NEXN: variants seen among roughly 807,000 people sequenced by gnomAD.
NEXN encodes nexilin.
Under a neutral mutation model 92.6 loss-of-function variants are expected in NEXN, and 65 were observed. That is an observed-to-expected ratio of 0.70 (90% CI 0.57 to 0.86). The LOEUF is 0.86. Ranked by LOEUF, NEXN falls within the 40% of genes least tolerant of loss-of-function variation. NEXN has a pLI of 0.00. For synonymous variants in NEXN, 254 were observed against 242.5 expected (o/e 1.05, Z -0.44); for missense variants, 778 against 771.1 (o/e 1.01, Z -0.11).
intron 9 of NEXN, among the ~76,000 whole-genome samples, chr1:77,929,795 G>T (rs1557985042): frequency 6.6e-6 from 1 of 152,180 alleles, no homozygotes; most frequent in African/African-American, 2.4e-5. Context: ...ATCCAAGGAA[G>T]AAGAAGAAGT....
rs761262985 is a variant in NEXN, at chr1:77,942,587, A to G, written c.1786A>G (p.Ser596Gly). 1 of 1,613,916 alleles carries G rather than the reference A, an allele frequency of 6.2e-7. No individual in the cohort carries two copies. The highest frequency in any genetic ancestry group is 8.5e-7 in the Non-Finnish European group (1 of 1,179,826). Residue 596 changes from serine to glycine, a missense_variant, in exon 13 of 13, where the codon AGT becomes GGT. Physicochemically the swap from Ser to Gly is moderately conservative, Grantham distance 56. This residue lies in a region of NEXN where 532 missense variants were observed against 476.7 expected (regional missense o/e 1.12). Coordinates refer to ENST00000334785, the MANE Select transcript of NEXN (RefSeq NM_144573.4). ...KPLKNTSVVD[S>G]EPVRFTVKVT... is the part of the protein sequence containing the mutation. ...TCTTAAAAACACATCAGTTGTAGAC[A>G]GTGAGCCAGTCAGATTTACGGTTAA...
chr1:77,939,122 T>C (rs1651038382), intron 11 of NEXN, among the ~76,000 whole-genome samples: 2 of 152,174 alleles, frequency 1.3e-5, no homozygotes, highest in Admixed American at 6.5e-5. Context: ...GGTTAGACTC[T>C]GGTATGGATA....
intron 9 of NEXN, among the ~76,000 whole-genome samples, chr1:77,931,109 C>T (rs72685355): frequency 0.027 from 4,116 of 151,826 alleles, 98 homozygotes; most frequent in South Asian, 0.11. Flanking sequence ...TAGAAGAAGC[C>T]GGGCGCGGTG....
chr1:77,930,590 A>G (rs921349640), intron 9 of NEXN, among the ~76,000 whole-genome samples: 1 of 152,210 alleles, frequency 6.6e-6, no homozygotes, highest in Admixed American at 6.5e-5. Flanking sequence ...TTCTAAAACA[A>G]ATTTCTTTAT....
In NEXN at chr1:77,942,462, A is replaced by G. The variant is rs1651445427; in HGVS notation, c.1661A>G (p.Lys554Arg). ...QREIDAALQK[K>R]REEEEEEEGS... is the part of the protein sequence containing the mutation. ...CTGAATGCATTTATTTTAATACAGA[A>G]AAGAGAAGAGGAGGAGGAGGAAGAA... The change falls in exon 13 of 13, where the codon AAA becomes AGA. Residue 554 changes from lysine (K) to arginine (R), a missense_variant and splice_region_variant. Physicochemically the swap from Lys to Arg is conservative, Grantham distance 26 (BLOSUM62 2). This residue lies in a region of NEXN where 532 missense variants were observed against 476.7 expected (regional missense o/e 1.12). Transcript: ENST00000334785. The G allele has an allele frequency of 6.2e-7, 1 of 1,613,454 alleles. No homozygotes were observed. Among genetic ancestry groups the G allele is most frequent in the Non-Finnish European group, 8.5e-7 (1 of 1,179,602 alleles).
intron 11 of NEXN, 115 bp downstream of exon 11, chr1:77,936,159 C>A: frequency 2.8e-6 from 2 of 716,512 alleles, no homozygotes; most frequent in Non-Finnish European, 4.7e-6. Flanking sequence ...TTGGTATATA[C>A]AGTAATCTGG....
chr1:77,913,260 C>T (rs1007055029), intron 1 of NEXN, among the ~76,000 whole-genome samples: 3 of 151,948 alleles, frequency 2.0e-5, no homozygotes, highest in Non-Finnish European at 4.4e-5. Context: ...ACTACAAATA[C>T]AAAAATTAGC....
intron 11 of NEXN, among the ~76,000 whole-genome samples, chr1:77,940,418 G>T (rs1198214686): frequency 6.6e-6 from 1 of 152,076 alleles, no homozygotes; most frequent in Non-Finnish European, 1.5e-5. Flanking sequence ...GTTTTAACCT[G>T]GCTTTTTAGG....
intron 1 of NEXN, chr1:77,889,163 C>T (rs531452083): frequency 6.6e-6 from 1 of 152,494 alleles, no homozygotes; most frequent in Admixed American, 6.5e-5. Context: ...TCGGCTGAAC[C>T]CTTGGGGTCC....
intron 9 of NEXN, chr1:77,931,915 A>G (rs1329900388): frequency 6.6e-6 from 1 of 152,100 alleles, no homozygotes; most frequent in African/African-American, 2.4e-5. Context: ...GTTATGTTAT[A>G]CCGCGCCCGG....
intron 1 of NEXN, among the ~76,000 whole-genome samples, chr1:77,911,837 C>G (rs1369236820): frequency 1.3e-5 from 2 of 150,460 alleles, no homozygotes; most frequent in African/African-American, 4.9e-5. Context: ...AATCCCAGCA[C>G]TTTGGGAGGC....
intron 6 of NEXN, among the ~76,000 whole-genome samples, chr1:77,925,868 A>C (rs1025762349): frequency 2.0e-5 from 3 of 151,970 alleles, no homozygotes; most frequent in African/African-American, 7.2e-5. Context: ...AAATGAATTA[A>C]ATAATAATTT....
At chr1:77,924,806 C>T (rs973652341) in intron 5 of NEXN, among the ~76,000 whole-genome samples, 14 of 151,956 alleles carry the variant, frequency 9.2e-5, no homozygotes, top group East Asian at 1.9e-4. Context: ...ACCACAGGTG[C>T]GTGCCACCAT....
At position 77,911,133 on chromosome 1, in the gene NEXN, G is replaced by A. The variant is rs114719716; in HGVS notation, c.-52-4922G>A. The stretch of plus-strand genomic sequence containing the variant: ...TTGGATTAAAGGAATGAGATACAGC[G>A]CCTGGCCCCAAAATTATACTTCTGT... On this transcript the variant is annotated intron_variant, in intron 1 of 12. Coordinates refer to ENST00000334785, the MANE Select transcript of NEXN (RefSeq NM_144573.4). Among the ~76,000 whole-genome samples the A allele has an allele frequency of 2.7e-3, 415 of 152,230 alleles. 4 individuals are homozygous for A. Among genetic ancestry groups the A allele is most frequent in the African/African-American group, 9.3e-3 (388 of 41,542 alleles).
chr1:77,942,279 G>T, intron 12 of NEXN, 71 bp downstream of exon 12: 1 of 1,524,990 alleles, frequency 6.6e-7, no homozygotes, highest in Non-Finnish European at 9.1e-7. Flanking sequence ...AATTAGGTAG[G>T]TTAAAAAAAT....
intron 11 of NEXN, among the ~76,000 whole-genome samples, chr1:77,938,786 A>ATTCCAGATAGAGGAGAAGCC (rs1651005555): frequency 2.0e-5 from 3 of 152,208 alleles, no homozygotes; most frequent in African/African-American, 7.2e-5. Context: ...GAGGAGAGAC[A>ATTCCAGATAGAGGAGAAGCC]TTCCAGATAG....
In NEXN at chr1:77,933,268, ATTATT is replaced by A. The variant is rs1340473101; in HGVS notation, c.1054-10_1054-6del. 1 of 1,483,714 alleles carries A rather than the reference ATTATT, an allele frequency of 6.7e-7. No individual in the cohort carries two copies. The highest frequency in any genetic ancestry group is 9.4e-7 in the Non-Finnish European group (1 of 1,068,008). 91.9% of individuals were successfully genotyped at this position (1,483,714 alleles called of 1,614,324 possible). A position where few individuals can be genotyped will look rare whatever the true frequency, so the allele number is the denominator to read the frequency against. ...TAATTCTGGCCAGAGTGATAAAATAATTATTTTAAATAGGTAGTAGATGATGACTC... is the reference window on the plus strand; with the variant it reads ...TAATTCTGGCCAGAGTGATAAAATAATTAAATAGGTAGTAGATGATGACTC... On this transcript the variant is annotated splice_polypyrimidine_tract_variant and intron_variant, in intron 9 of 12. Coordinates refer to ENST00000334785, the MANE Select transcript of NEXN (RefSeq NM_144573.4).
intron 1 of NEXN, among the ~76,000 whole-genome samples, chr1:77,912,375 A>C (rs1410523985): frequency 2.6e-5 from 4 of 151,998 alleles, no homozygotes; most frequent in African/African-American, 9.7e-5. Context: ...AATTCTCCCT[A>C]GATCCATCTA....
chr1:77,904,592 A>C (rs1435230984), intron 1 of NEXN, among the ~76,000 whole-genome samples: 1 of 152,214 alleles, frequency 6.6e-6, no homozygotes, highest in Non-Finnish European at 1.5e-5. Flanking sequence ...ATTGAACAAG[A>C]TACTGGAAAG....
Sources: gnomAD v4.1 joint callset for allele counts (sites outside exome capture counted in the v4.1 genomes callset) on GRCh38, gnomAD v4.1.1 for gene constraint, gnomAD v4.1.1 regional missense constraint, MANE v1.5 for transcripts, NCBI Gene and HGNC (gene_info 2026-07-23, HGNC 2026-07-21) for gene names.